PLA2G4A: variants seen among roughly 807,000 people sequenced by gnomAD.
PLA2G4A encodes the protein phospholipase A2 group IVA.
In PLA2G4A, 40 loss-of-function variants were observed where a neutral mutation model predicts 81.9. That is an observed-to-expected ratio of 0.49 (90% confidence interval 0.38 to 0.64). PLA2G4A has a LOEUF of 0.64. Ranked by LOEUF, PLA2G4A falls within the 30% of genes least tolerant of loss-of-function variation. The probability of loss-of-function intolerance (pLI) is 0.00; values close to 1 mark genes in which losing one functional copy is unlikely to be tolerated. For missense variants in PLA2G4A, 715 were observed against 905.1 expected (o/e 0.79, Z 2.69); for synonymous variants, 302 against 296.9 (o/e 1.02, Z -0.18).
chr1:186,945,281 A>C (rs1013577928), intron 10 of PLA2G4A, among the ~76,000 whole-genome samples: 2 of 152,168 alleles, frequency 1.3e-5, no homozygotes, highest in African/African-American at 4.8e-5. Flanking sequence ...TGGGATACGC[A>C]AGACAAAATG....
At chr1:186,934,550 G>GCA (rs148144230) in intron 8 of PLA2G4A, among the ~76,000 whole-genome samples, 5 of 149,114 alleles carry the variant, frequency 3.4e-5, no homozygotes, top group African/African-American at 9.8e-5. Context: ...TTTTAAATGT[G>GCA]CACACACACA....
At chr1:186,835,318 G>C (rs1384859244) in intron 1 of PLA2G4A, among the ~76,000 whole-genome samples, 2 of 152,134 alleles carry the variant, frequency 1.3e-5, no homozygotes, top group Non-Finnish European at 2.9e-5. Context: ...GGATAGTCTC[G>C]AGGCAGATAA....
rs769073411 is a variant in PLA2G4A at position 186,950,701 on chromosome 1, AGTG to A, written c.1310_1312del (p.Ser437_Asp438delinsAsn). On this transcript the variant is annotated inframe_deletion, in exon 13 of 18. Coordinates refer to ENST00000367466, the MANE Select transcript of PLA2G4A (RefSeq NM_024420.3). ...TATTGTGAGTAATGATAGCTCGGACAGTGATGATGAATCACACGAACCCAAAGG... is the reference window on the plus strand; with the variant it reads ...TATTGTGAGTAATGATAGCTCGGACAATGATGAATCACACGAACCCAAAGG... 8 of 1,604,242 alleles carry A rather than the reference AGTG, an allele frequency of 5.0e-6. No individual in the cohort carries two copies. The East Asian group carries it at 1.8e-4, about 36-fold the overall frequency.
chr1:186,871,185 G>T (rs1653254383), intron 3 of PLA2G4A, among the ~76,000 whole-genome samples: 1 of 152,120 alleles, frequency 6.6e-6, no homozygotes, highest in African/African-American at 2.4e-5. Context: ...AGCCTGAAAT[G>T]ATGCGATCCA....
intron 5 of PLA2G4A, among the ~76,000 whole-genome samples, chr1:186,904,355 G>A (rs1426766789): frequency 6.6e-6 from 1 of 152,198 alleles, no homozygotes; most frequent in East Asian, 1.9e-4. Context: ...CAGCATGGAA[G>A]CCTGTAATGC....
In PLA2G4A at chr1:186,939,942, T is replaced by C. The variant is rs368559267; in HGVS notation, c.919-38T>C. 3.2e-6 allele frequency: 3 copies of C among 927,762 alleles called. No homozygotes were observed. The African/African-American group carries it at 4.8e-5, about 15-fold the overall frequency. 57.5% of individuals were successfully genotyped at this position (927,762 alleles called of 1,614,324 possible). A position where few individuals can be genotyped will look rare whatever the true frequency, so the allele number is the denominator to read the frequency against. ...ATAGCATTCTTTCTGTGTCTGTTTA[T>C]AAATTTAAAGTCATCTTTTTCTTTC... On this transcript the variant is annotated intron_variant, in intron 9 of 17. Transcript: ENST00000367466.
chr1:186,866,477 C>T (rs1558378873), intron 2 of PLA2G4A, among the ~76,000 whole-genome samples: 1 of 152,028 alleles, frequency 6.6e-6, no homozygotes, highest in Non-Finnish European at 1.5e-5. Flanking sequence ...TATAATCACA[C>T]CTATTCTTTA....
At chr1:186,966,748 A>C (rs906261811) in intron 15 of PLA2G4A, among the ~76,000 whole-genome samples, 1 of 152,124 alleles carries the variant, frequency 6.6e-6, no homozygotes, top group African/African-American at 2.4e-5. Context: ...ATCTTTCTTG[A>C]CTTCCACATA....
intron 15 of PLA2G4A, among the ~76,000 whole-genome samples, chr1:186,972,902 C>T (rs753327429): frequency 2.0e-5 from 3 of 152,144 alleles, no homozygotes; most frequent in Non-Finnish European, 4.4e-5. Flanking sequence ...TCCACAATCA[C>T]CTGATTTATT....
intron 14 of PLA2G4A, among the ~76,000 whole-genome samples, chr1:186,959,094 T>C (rs979239851): frequency 3.3e-5 from 5 of 152,156 alleles, no homozygotes; most frequent in African/African-American, 1.2e-4. Context: ...GGAATTTTCA[T>C]CTTCTTTCTG....
At chr1:186,918,032 C>G (rs1358343344) in intron 7 of PLA2G4A, among the ~76,000 whole-genome samples, 1 of 152,196 alleles carries the variant, frequency 6.6e-6, no homozygotes, top group Non-Finnish European at 1.5e-5. Flanking sequence ...AACTGCAGCA[C>G]AGCTACCCTC....
chr1:186,876,357 G>A (rs1237469877), intron 3 of PLA2G4A, among the ~76,000 whole-genome samples: 2 of 151,976 alleles, frequency 1.3e-5, no homozygotes, highest in South Asian at 2.1e-4. Flanking sequence ...ACACATCACC[G>A]TGTAAGGGTG....
At position 186,950,716 on chromosome 1, in the gene PLA2G4A, C is replaced by T; in HGVS notation, c.1324C>T (p.His442Tyr). The T allele has an allele frequency of 6.3e-7, 1 of 1,591,444 alleles. No homozygotes were observed. The highest frequency in any genetic ancestry group is 8.6e-7 in the Non-Finnish European group (1 of 1,159,610). Residue 442 changes from histidine to tyrosine, a missense_variant, in exon 13 of 18, where the codon CAC becomes TAC. By Grantham distance (83) the His-to-Tyr change is moderately conservative (BLOSUM62 2). Coordinates refer to ENST00000367466, the MANE Select transcript of PLA2G4A (RefSeq NM_024420.3). ...NDSSDSDDES[H>Y]EPKGTENEDA... ...TAGCTCGGACAGTGATGATGAATCA[C>T]ACGAACCCAAAGGTGAGTGAGCCGG...
At chr1:186,892,961 A>G (rs748207409) in intron 3 of PLA2G4A, 50 bp from the exon 4 acceptor site, 2 of 1,340,814 alleles carry the variant, frequency 1.5e-6, no homozygotes, top group Non-Finnish European at 2.1e-6. Context: ...AAAATTAGGA[A>G]CTATGAATCA....
chr1:186,934,223 T>G (rs1204546345), intron 8 of PLA2G4A, among the ~76,000 whole-genome samples: 1 of 151,962 alleles, frequency 6.6e-6, no homozygotes, highest in African/African-American at 2.4e-5. Flanking sequence ...TACATCCTGT[T>G]GTCCATCACT....
At chr1:186,863,596 C>A (rs1189492442) in intron 2 of PLA2G4A, among the ~76,000 whole-genome samples, 22 of 151,910 alleles carry the variant, frequency 1.4e-4, no homozygotes, top group Non-Finnish European at 1.9e-4. Context: ...TTTCTCCTAC[C>A]TAACTTTTTA....
chr1:186,902,794 ACCCCTATCT>A (rs1421717758), intron 5 of PLA2G4A, among the ~76,000 whole-genome samples: 2 of 141,300 alleles, frequency 1.4e-5, no homozygotes, highest in African/African-American at 2.7e-5. Context: ...AAACTGCCCC[ACCCCTATCT>A]CCCCTATCTC....
chr1:186,877,517 G>T (rs1441872678), intron 3 of PLA2G4A, among the ~76,000 whole-genome samples: 1 of 151,542 alleles, frequency 6.6e-6, no homozygotes, highest in Non-Finnish European at 1.5e-5. Context: ...CAAATTATTG[G>T]ACCCTTCTTT....
At chr1:186,846,495 T>C (rs1256711453) in intron 1 of PLA2G4A, among the ~76,000 whole-genome samples, 1 of 152,212 alleles carries the variant, frequency 6.6e-6, no homozygotes, top group Non-Finnish European at 1.5e-5. Flanking sequence ...AGGGCTCTCA[T>C]GTACCCTTCA....
Sources: gnomAD v4.1 joint callset for allele counts (sites outside exome capture counted in the v4.1 genomes callset) on GRCh38, gnomAD v4.1.1 for gene constraint, MANE v1.5 for transcripts, NCBI Gene and HGNC (gene_info 2026-07-23, HGNC 2026-07-21) for gene names.